INPP4B: variants seen among roughly 807,000 people sequenced by gnomAD.
The protein encoded by INPP4B is inositol polyphosphate 4-phosphatase type II.
In INPP4B, 55 loss-of-function variants were observed where a neutral mutation model predicts 122.5. The observed-to-expected ratio is 0.45, with a 90% CI of 0.36 to 0.56. The LOEUF (loss-of-function observed/expected upper bound fraction) is 0.56, where lower values mean the gene tolerates loss of function less well. Ranked by LOEUF, INPP4B falls within the 20% of genes least tolerant of loss-of-function variation. INPP4B has a pLI of 0.00. For missense variants in INPP4B, 1,000 were observed against 1,097.7 expected (o/e 0.91, Z 1.26); for synonymous variants, 403 against 388.7 (o/e 1.04, Z -0.43).
intron 7 of INPP4B, among the ~76,000 whole-genome samples, chr4:142,319,117 G>T (rs931280604): frequency 6.6e-6 from 1 of 152,134 alleles, no homozygotes; most frequent in African/African-American, 2.4e-5. Flanking sequence ...AGAAGGAAAA[G>T]GCCATGCTGT....
chr4:142,385,875 A>C lies in INPP4B; in HGVS notation c.372+17063T>G, dbSNP rs77840588. On this transcript the variant is annotated intron_variant, in intron 7 of 25. Transcript: ENST00000262992. ...TGGAATAATTAAATCATGATAATTA[A>C]ATAATCTTCTCACATAGTTGTTACT... Among the ~76,000 whole-genome samples, 908 of 152,292 alleles carry C rather than the reference A, an allele frequency of 6.0e-3. 24 individuals carry two copies. Among genetic ancestry groups the C allele is most frequent in the Admixed American group, 0.044 (666 of 15,284 alleles).
rs145058801 is a variant in INPP4B at position 142,595,719 on chromosome 4, T to C, written c.-191+130120A>G. On this transcript the variant is annotated intron_variant, in intron 2 of 25. Coordinates refer to ENST00000262992, the MANE Select transcript of INPP4B (RefSeq NM_001101669.3). The stretch of plus-strand genomic sequence containing the variant: ...AGGTACAAGTAATTAAGCAGTCATT[T>C]GAGGGAACAAATTTTGCTTTGCTCT... Among the ~76,000 whole-genome samples the C allele has an allele frequency of 2.7e-3, 406 of 152,310 alleles. 6 individuals are homozygous for C. Among genetic ancestry groups the C allele is most frequent in the East Asian group, 0.018 (94 of 5,182 alleles).
At chr4:142,533,227 A>G (rs868260076) in intron 2 of INPP4B, among the ~76,000 whole-genome samples, 2 of 152,188 alleles carry the variant, frequency 1.3e-5, no homozygotes, top group African/African-American at 2.4e-5. Flanking sequence ...GCATTATACA[A>G]AAGACAAATG....
intron 7 of INPP4B, among the ~76,000 whole-genome samples, chr4:142,382,864 CAG>C (rs1794708238): frequency 1.3e-5 from 2 of 151,336 alleles, no homozygotes; most frequent in African/African-American, 4.9e-5. Context: ...GTCTTTCCTA[CAG>C]AGTCCGAGAA....
At chr4:142,698,561 T>C (rs1761311313) in intron 2 of INPP4B, among the ~76,000 whole-genome samples, 1 of 152,190 alleles carries the variant, frequency 6.6e-6, no homozygotes, top group African/African-American at 2.4e-5. Context: ...CTAACTCCCA[T>C]TCTGTGTCCA....
At chr4:142,155,418 G>A (rs944673825) in intron 17 of INPP4B, among the ~76,000 whole-genome samples, 1 of 152,102 alleles carries the variant, frequency 6.6e-6, no homozygotes, top group African/African-American at 2.4e-5. Flanking sequence ...GATCACTATA[G>A]ATTTCCTATG....
intron 12 of INPP4B, among the ~76,000 whole-genome samples, chr4:142,226,133 A>T (rs1196612343): frequency 6.6e-6 from 1 of 152,236 alleles, no homozygotes; most frequent in Non-Finnish European, 1.5e-5. Context: ...TAAAAGTTTT[A>T]CTGGTGGTAG....
chr4:142,833,935 A>AATTGCT (rs1561121988), intron 1 of INPP4B, among the ~76,000 whole-genome samples: 1 of 152,156 alleles, frequency 6.6e-6, no homozygotes, highest in East Asian at 1.9e-4. Flanking sequence ...TTGCTCAAAT[A>AATTGCT]ATTGCTACCT....
intron 24 of INPP4B, 148 bp from the exon 25 acceptor site, chr4:142,082,333 T>A (rs570586251): frequency 7.5e-4 from 443 of 590,396 alleles, no homozygotes; most frequent in Non-Finnish European, 9.5e-4. Context: ...ATCGGTCTCA[T>A]CAAATGTAAA....
chr4:142,346,244 T>C (rs1780293510), intron 7 of INPP4B, among the ~76,000 whole-genome samples: 1 of 152,044 alleles, frequency 6.6e-6, no homozygotes, highest in Non-Finnish European at 1.5e-5. Context: ...GGATCTTCCC[T>C]GTGGGCTTGT....
At chr4:142,612,416 T>A (rs545112650) in intron 2 of INPP4B, among the ~76,000 whole-genome samples, 1 of 152,244 alleles carries the variant, frequency 6.6e-6, no homozygotes, top group African/African-American at 2.4e-5. Context: ...CTTTATGTCT[T>A]AGTCCTTCTT....
intron 25 of INPP4B, among the ~76,000 whole-genome samples, chr4:142,042,518 GTATGTATGTATGTATGTA>G (rs1173381629): frequency 7.0e-5 from 3 of 42,798 alleles, no homozygotes; most frequent in African/African-American, 1.6e-4. Flanking sequence ...ATGTGTGTGT[GTATGTATGTATGTATGTA>G]TGTATGTATG....
intron 12 of INPP4B, among the ~76,000 whole-genome samples, chr4:142,224,003 T>C (rs2149741269): frequency 6.6e-6 from 1 of 152,238 alleles, no homozygotes; most frequent in East Asian, 1.9e-4. Flanking sequence ...CAATGTTTCT[T>C]TAAAGTCAGT....
intron 3 of INPP4B, among the ~76,000 whole-genome samples, chr4:142,462,408 A>G (rs1477261016): frequency 6.6e-6 from 1 of 152,194 alleles, no homozygotes; most frequent in Non-Finnish European, 1.5e-5. Flanking sequence ...AAGTAATAAT[A>G]TTAATTTCTT....
At chr4:142,398,134 G>T (rs1799974006) in intron 7 of INPP4B, among the ~76,000 whole-genome samples, 1 of 151,280 alleles carries the variant, frequency 6.6e-6, no homozygotes, top group Non-Finnish European at 1.5e-5. Flanking sequence ...CCAGCACTTG[G>T]GGAGGCCGAG....
intron 2 of INPP4B, among the ~76,000 whole-genome samples, chr4:142,699,054 G>A (rs1003765264): frequency 2.6e-5 from 4 of 152,072 alleles, no homozygotes; most frequent in East Asian, 1.9e-4. Flanking sequence ...ACTGTTTCAC[G>A]GGTAAAATGG....
At position 142,128,378 on chromosome 4, in the gene INPP4B, CAT is replaced by C. The variant is rs1476759600; in HGVS notation, c.1721-3620_1721-3619del. ...ACACACACACACACACACACACACACATACACACACATACCTTTTTTATAAAC... is the reference window on the plus strand; with the variant it reads ...ACACACACACACACACACACACACACACACACACATACCTTTTTTATAAAC... On this transcript the variant is annotated intron_variant, in intron 18 of 25. Coordinates refer to ENST00000262992, the MANE Select transcript of INPP4B (RefSeq NM_001101669.3). Among the ~76,000 whole-genome samples, 250 of 113,674 alleles carry C rather than the reference CAT, an allele frequency of 2.2e-3. 3 individuals are homozygous for C. The highest frequency in any genetic ancestry group is 8.8e-3 in the African/African-American group (234 of 26,614). 74.6% of individuals were successfully genotyped at this position (113,674 alleles called of 152,430 possible).
At chr4:142,593,649 A>ATT (rs1738037023) in intron 2 of INPP4B, among the ~76,000 whole-genome samples, 3 of 152,260 alleles carry the variant, frequency 2.0e-5, no homozygotes, top group African/African-American at 7.2e-5. Context: ...TTTAGCCATA[A>ATT]TGGGACCTAG....
intron 1 of INPP4B, among the ~76,000 whole-genome samples, chr4:142,738,614 CA>C (rs67923741): frequency 0.27 from 40,666 of 150,474 alleles, 5,601 homozygotes; most frequent in South Asian, 0.4. Flanking sequence ...ATAATAAAAA[CA>C]AAAAAAAAGA....
Sources: allele counts gnomAD v4.1 joint callset (sites outside exome capture counted in the v4.1 genomes callset), GRCh38; gene constraint gnomAD v4.1.1; transcripts MANE v1.5; gene names NCBI Gene and HGNC (gene_info 2026-07-23, HGNC 2026-07-21).